The following LAMA1 variants were observed in gnomAD, a reference collection of about 807,000 sequenced individuals.
LAMA1 encodes the protein laminin subunit alpha-1.
In LAMA1, 219 loss-of-function variants were observed where a neutral mutation model predicts 348.7. The observed-to-expected ratio is 0.63, with a 90% CI of 0.56 to 0.70. The LOEUF is 0.70. Among genes scored for constraint, LAMA1 ranks in the 30% least tolerant of loss-of-function variants. The pLI is 0.00. For synonymous variants in LAMA1, 1,487 were observed against 1,491.0 expected, an observed-to-expected ratio of 1.00 and a Z score of 0.06; for missense variants, 3,744 against 3,888.0, an observed-to-expected ratio of 0.96 and a Z score of 0.99.
chr18:6,978,608 T>C lies in LAMA1; in HGVS notation c.6008-230A>G, dbSNP rs372493152. Among the ~76,000 whole-genome samples the C allele has an allele frequency of 3.9e-5, 6 of 152,362 alleles. No homozygotes were observed. The East Asian group carries it at 1.2e-3, about 29-fold the overall frequency. ...TAAAGCTGCATATCATATGCTCTACTATCCCCTTTTAGGGACAAATGAAAT... is the reference window on the plus strand; with the variant it reads ...TAAAGCTGCATATCATATGCTCTACCATCCCCTTTTAGGGACAAATGAAAT... On this transcript the variant is annotated intron_variant, in intron 42 of 62. Coordinates refer to ENST00000389658, the MANE Select transcript of LAMA1 (RefSeq NM_005559.4).
intron 3 of LAMA1, among the ~76,000 whole-genome samples, chr18:7,054,082 T>C (rs2058072324): frequency 2.0e-5 from 3 of 152,166 alleles, no homozygotes; most frequent in Admixed American, 2.0e-4. Context: ...GATAATCTTT[T>C]TTTTACATTG....
At chr18:7,077,978 C>T (rs1382177017) in intron 3 of LAMA1, among the ~76,000 whole-genome samples, 10 of 147,374 alleles carry the variant, frequency 6.8e-5, no homozygotes, top group African/African-American at 1.3e-4. Flanking sequence ...GCAGGAGAAT[C>T]GCGTGAACCC....
chr18:6,947,194 T>C lies in LAMA1; in HGVS notation c.8813A>G (p.Asp2938Gly). 2 of 1,614,214 alleles carry C rather than the reference T, an allele frequency of 1.2e-6. No homozygotes were observed. The highest frequency in any genetic ancestry group is 1.7e-6 in the Non-Finnish European group (2 of 1,180,046). The change falls in exon 61 of 63, where the codon GAT becomes GGT. Residue 2938 changes from aspartate to glycine, a missense_variant. By Grantham distance (94) the Asp-to-Gly change is moderately conservative. Coordinates refer to ENST00000389658, the MANE Select transcript of LAMA1 (RefSeq NM_005559.4). ...GTCCACAAGCTCTAGTCCAATGGCA[T>C]CCACTTTGGCAGTGCTGATCCCCAG... is the stretch of plus-strand genomic sequence containing the variant. ...VLLGISTAKVDAIGLELVDGK... is the reference protein window; with the variant it reads ...VLLGISTAKVGAIGLELVDGK...
chr18:7,059,677 C>T (rs947435297), intron 3 of LAMA1, among the ~76,000 whole-genome samples: 12 of 152,200 alleles, frequency 7.9e-5, no homozygotes, highest in Non-Finnish European at 1.5e-4. Context: ...CTGTTCTCCG[C>T]AGGCTCTCAG....
chr18:6,994,678 C>G (rs892778655), intron 34 of LAMA1, among the ~76,000 whole-genome samples: 7 of 135,798 alleles, frequency 5.2e-5, no homozygotes, highest in Middle Eastern at 3.8e-3. Context: ...TACAGACACA[C>G]ACACACACAC....
rs764764558 is a variant in LAMA1, at chr18:7,016,636, G to A, written c.2844C>T (p.Cys948=). 6.2e-7 allele frequency: 1 copy of A among 1,613,382 alleles called. No homozygotes were observed. Among genetic ancestry groups the A allele is most frequent in the African/African-American group, 1.3e-5 (1 of 74,926 alleles). The change falls in exon 21 of 63, where the codon TGC becomes TGT. Residue 948 remains cysteine (C), a synonymous_variant. Coordinates refer to ENST00000389658, the MANE Select transcript of LAMA1 (RefSeq NM_005559.4). The stretch of plus-strand genomic sequence containing the variant: ...CTGCCACGCTGCAGTTGCAGGGCCG[G>A]CAGCCATGGCCTGAGTCCAGCCCAT... ...GYYGLDSGHG[C]RPCNCSVAGS...
chr18:6,999,378 A>G (rs525206), intron 32 of LAMA1, 67 bp downstream of exon 32: 503,899 of 1,515,390 alleles, frequency 0.33, 88,796 homozygotes, highest in African/African-American at 0.61. Context: ...GCGTGCCGTC[A>G]CCACTTCTTT....
intron 57 of LAMA1, 67 bp downstream of exon 57, chr18:6,955,286 T>C: frequency 2.5e-6 from 3 of 1,223,320 alleles, no homozygotes; most frequent in Non-Finnish European, 3.6e-6. Context: ...AAAGACTCTG[T>C]GGCTGCAGAA....
At chr18:7,005,806 G>A (rs979563945) in intron 29 of LAMA1, among the ~76,000 whole-genome samples, 2 of 152,212 alleles carry the variant, frequency 1.3e-5, no homozygotes, top group Admixed American at 1.3e-4. Context: ...AAGGACCACT[G>A]CAACCCTGAA....
At position 7,016,486 on chromosome 18, in the gene LAMA1, C is replaced by G; in HGVS notation, c.2989+5G>C. The G allele has an allele frequency of 1.2e-6, 2 of 1,614,208 alleles. No individual in the cohort carries two copies. The highest frequency in any genetic ancestry group is 1.7e-6 in the Non-Finnish European group (2 of 1,180,038). ...AAAGTCTCAAACAAGGAAATCAAGG[C>G]TTACGTGTACAGCTACCATCCTGGT... On this transcript the variant is annotated splice_donor_5th_base_variant and intron_variant, in intron 21 of 62. Transcript: ENST00000389658.
chr18:7,007,690 C>A (rs1405080553), intron 28 of LAMA1, among the ~76,000 whole-genome samples: 2 of 152,178 alleles, frequency 1.3e-5, no homozygotes, highest in African/African-American at 4.8e-5. Context: ...CCCCTATGTT[C>A]ATAGCGGCAT....
Position 6,961,958 on chromosome 18 carries a change from C to T in LAMA1, c.7439G>A (p.Gly2480Asp). The T allele has an allele frequency of 1.9e-6, 3 of 1,613,722 alleles. No individual in the cohort carries two copies. The highest frequency in any genetic ancestry group is 1.1e-5 in the South Asian group (1 of 91,068). The change falls in exon 52 of 63, where the codon GGC (glycine) becomes GAC (aspartate). Residue 2480 changes from glycine to aspartate, a missense_variant. By Grantham distance (94) the Gly-to-Asp change is moderately conservative. Transcript: ENST00000389658. ...LLRNSYGVRK[G>D]CLLEPIRSVS... is the part of the protein sequence containing the mutation. ...AATGTTTCCTACCTCCAGTAAACAG[C>T]CTTTTCTCACTCCATAGGAATTTCT...
rs181382847 is a variant in LAMA1, at chr18:7,044,105, G to A, written c.976+617C>T. On this transcript the variant is annotated intron_variant, in intron 7 of 62. Coordinates refer to ENST00000389658, the MANE Select transcript of LAMA1 (RefSeq NM_005559.4). ...ATGAACCTGGGAGGCAGAGGTTGCA[G>A]TGAGCCGAGATCGCGCCACTGCACT... is the stretch of plus-strand genomic sequence containing the variant. Among the ~76,000 whole-genome samples the A allele has an allele frequency of 8.8e-3, 1,286 of 146,462 alleles. 24 individuals are homozygous for A. Among genetic ancestry groups the A allele is most frequent in the African/African-American group, 0.032 (1,240 of 38,950 alleles).
At chr18:6,953,717 G>T (rs2057561021) in intron 57 of LAMA1, 2 of 152,304 alleles carry the variant, frequency 1.3e-5, no homozygotes, top group South Asian at 4.1e-4. Context: ...GAATTATGAG[G>T]AGTAAATTAG....
In LAMA1 at chr18:6,949,065, C is replaced by A. The variant is rs200761119; in HGVS notation, c.8556+36G>T. On this transcript the variant is annotated intron_variant, in intron 59 of 62. Coordinates refer to ENST00000389658, the MANE Select transcript of LAMA1 (RefSeq NM_005559.4). ...TTCTACAAAATAAACACGAACACAA[C>A]GAAGGTAAAATGTCAGTATGGAAAA... 7.4e-5 allele frequency: 119 copies of A among 1,613,646 alleles called. 1 individual carries two copies. In the East Asian group the frequency reaches 2.6e-3, roughly 35 times the overall value.
At chr18:7,077,056 G>A (rs2058171433) in intron 3 of LAMA1, 1 of 152,050 alleles carries the variant, frequency 6.6e-6, no homozygotes, top group African/African-American at 2.4e-5. Context: ...AAGCACAGCA[G>A]AATTTTTATA....
intron 1 of LAMA1, among the ~76,000 whole-genome samples, chr18:7,113,974 G>T (rs1238373201): frequency 6.6e-6 from 1 of 151,926 alleles, no homozygotes. Flanking sequence ...CTACTCAGGA[G>T]GCTGAGGCAG....
At chr18:7,003,411 C>A (rs1250356670) in intron 29 of LAMA1, among the ~76,000 whole-genome samples, 1 of 151,972 alleles carries the variant, frequency 6.6e-6, no homozygotes, top group South Asian at 2.1e-4. Context: ...CCACCACAAC[C>A]GGCTAATTTT....
chr18:6,987,551 T>C (rs142500336), intron 36 of LAMA1, among the ~76,000 whole-genome samples: 35 of 152,358 alleles, frequency 2.3e-4, no homozygotes, highest in East Asian at 1.9e-4. Flanking sequence ...TTTGAATTTA[T>C]AGCTGCATAG....
Sources: allele counts gnomAD v4.1 joint callset (sites outside exome capture counted in the v4.1 genomes callset), GRCh38; gene constraint gnomAD v4.1.1; transcripts MANE v1.5; gene names NCBI Gene and HGNC (gene_info 2026-07-23, HGNC 2026-07-21).